The following MANBA variants were observed in gnomAD, a reference collection of about 807,000 sequenced individuals.
MANBA encodes the protein mannosidase beta.
In MANBA, 83 loss-of-function variants were observed where a neutral mutation model predicts 111.1. The observed-to-expected ratio is 0.75, with a 90% confidence interval of 0.63 to 0.90. MANBA has a LOEUF of 0.90. MANBA is among the 40% of genes least tolerant of loss of function. The probability of loss-of-function intolerance (pLI) is 0.00; values close to 1 mark genes in which losing one functional copy is unlikely to be tolerated. For missense variants in MANBA, 1,036 were observed against 1,069.0 expected, an observed-to-expected ratio of 0.97 and a Z score of 0.43; for synonymous variants, 370 against 378.7, an observed-to-expected ratio of 0.98 and a Z score of 0.27.
At chr4:102,740,705 C>T (rs568872689) in intron 1 of MANBA, among the ~76,000 whole-genome samples, 29 of 152,146 alleles carry the variant, frequency 1.9e-4, no homozygotes, top group African/African-American at 6.5e-4. Context: ...AAAGGACACC[C>T]TATTCAACAA....
At position 102,669,905 on chromosome 4, in the gene MANBA, A is replaced by G. The variant is rs542639088; in HGVS notation, c.1231-856T>C. ...TGAGGCAGGAGAATGGCGTGAACCC[A>G]GGAGGCAGAGCTTGCAGTGAGCCAA... is the stretch of plus-strand genomic sequence containing the variant. On this transcript the variant is annotated intron_variant, in intron 9 of 16. Coordinates refer to ENST00000647097, the MANE Select transcript of MANBA (RefSeq NM_005908.4). 8.2e-4 allele frequency among the ~76,000 whole-genome samples: 125 copies of G among 152,180 alleles called. No individual in the cohort carries two copies. In the East Asian group the frequency reaches 0.011, roughly 13 times the overall value.
intron 4 of MANBA, among the ~76,000 whole-genome samples, chr4:102,717,907 AT>A (rs1231685899): frequency 2.0e-5 from 3 of 152,152 alleles, no homozygotes; most frequent in Admixed American, 2.0e-4. Context: ...TGCTGTGATC[AT>A]TTTTTTCTGA....
chr4:102,717,424 CT>C (rs1239871326), intron 4 of MANBA, among the ~76,000 whole-genome samples: 2,834 of 134,406 alleles, frequency 0.021, 53 homozygotes, highest in African/African-American at 0.054. Flanking sequence ...CAGGCAGGAA[CT>C]TTTTTTTTTT....
At chr4:102,671,839 T>C (rs1731512894) in intron 8 of MANBA, 1 of 427,304 alleles carries the variant, frequency 2.3e-6, no homozygotes, top group Non-Finnish European at 4.1e-6. Context: ...AAATTTCCTT[T>C]CTACTTTTTC....
rs116340501 is a variant in MANBA, at chr4:102,634,852, G to C, written c.2351C>G (p.Pro784Arg). The C allele has an allele frequency of 2.0e-3, 3,164 of 1,614,130 alleles. 57 individuals are homozygous for C. In the African/African-American group the frequency reaches 0.038, roughly 19 times the overall value. Residue 784 changes from proline to arginine, a missense_variant, in exon 16 of 17, where the codon CCG (proline) becomes CGG (arginine). By Grantham distance (103) the Pro-to-Arg change is moderately radical. Transcript: ENST00000647097. ...YLSADHELLSPTNYHFLSSPK... is the reference protein window; with the variant it reads ...YLSADHELLSRTNYHFLSSPK... The stretch of plus-strand genomic sequence containing the variant: ...TGAGGACAAGAAGTGGTAGTTGGTC[G>C]GGCTCAGGAGTTCATGGTCAGCTGA...
intron 5 of MANBA, among the ~76,000 whole-genome samples, chr4:102,704,047 A>G (rs1733184881): frequency 6.6e-6 from 1 of 151,946 alleles, no homozygotes; most frequent in African/African-American, 2.4e-5. Context: ...GTGAGCCAAG[A>G]TCGCGCCACT....
At chr4:102,734,236 C>A in intron 1 of MANBA, 1 of 902,266 alleles carries the variant, frequency 1.1e-6, no homozygotes, top group South Asian at 1.8e-5. Context: ...TCTGTACTTT[C>A]TGTTCAATTT....
At chr4:102,743,958 T>C (rs1560810662) in intron 1 of MANBA, among the ~76,000 whole-genome samples, 1 of 152,196 alleles carries the variant, frequency 6.6e-6, no homozygotes, top group Non-Finnish European at 1.5e-5. Context: ...TATCTGCCAC[T>C]GATACCTCAA....
rs374005994 is a variant in MANBA at position 102,760,142 on chromosome 4, C to T, written c.177+576G>A. Among the ~76,000 whole-genome samples, 8 of 152,184 alleles carry T rather than the reference C, an allele frequency of 5.3e-5. No individual in the cohort carries two copies. The East Asian group carries it at 1.2e-3, about 22-fold the overall frequency. The stretch of plus-strand genomic sequence containing the variant: ...GAGAGGAAATAGCACCTTTCTTCAT[C>T]ACCAAGTTAGCCTTAAAAATTATTT... On this transcript the variant is annotated intron_variant, in intron 1 of 16. Coordinates refer to ENST00000647097, the MANE Select transcript of MANBA (RefSeq NM_005908.4).
At chr4:102,701,765 T>C (rs1380822672) in intron 5 of MANBA, among the ~76,000 whole-genome samples, 7 of 151,610 alleles carry the variant, frequency 4.6e-5, no homozygotes, top group African/African-American at 1.5e-4. Flanking sequence ...GTGGGTAACC[T>C]GACCTTTCTC....
intron 12 of MANBA, among the ~76,000 whole-genome samples, chr4:102,657,229 G>T (rs375698457): frequency 1.7e-4 from 20 of 118,908 alleles, no homozygotes; most frequent in African/African-American, 4.8e-4. Flanking sequence ...GGGTGGGGGG[G>T]GGGTGGGCGG....
At chr4:102,635,092 T>C (rs767960172) in intron 15 of MANBA, 47 bp from the exon 16 acceptor site, 2 of 1,603,276 alleles carry the variant, frequency 1.2e-6, no homozygotes, top group South Asian at 1.1e-5. Context: ...TTGGTTGCTA[T>C]GTTTTTAAGG....
At chr4:102,685,937 GAAGACTGA>G (rs1361142690) in intron 7 of MANBA, among the ~76,000 whole-genome samples, 1 of 151,934 alleles carries the variant, frequency 6.6e-6, no homozygotes, top group Non-Finnish European at 1.5e-5. Context: ...ACTGAAGACT[GAAGACTGA>G]AGGCCCTTGT....
chr4:102,746,299 C>T (rs1391871281), intron 1 of MANBA, among the ~76,000 whole-genome samples: 3 of 152,206 alleles, frequency 2.0e-5, no homozygotes, highest in Non-Finnish European at 4.4e-5. Context: ...TGTGCATGCA[C>T]CTTTCGTTGC....
At chr4:102,649,884 C>T (rs992666920) in intron 13 of MANBA, among the ~76,000 whole-genome samples, 1 of 152,066 alleles carries the variant, frequency 6.6e-6, no homozygotes, top group Non-Finnish European at 1.5e-5. Flanking sequence ...TTTGAGTCTT[C>T]AGTCATTGGT....
intron 11 of MANBA, among the ~76,000 whole-genome samples, chr4:102,663,829 ATGC>A (rs2110215627): frequency 6.6e-6 from 1 of 152,314 alleles, no homozygotes; most frequent in South Asian, 2.1e-4. Flanking sequence ...ACTGAAAAAA[ATGC>A]TGCTTTTTCT....
chr4:102,690,794 A>AATAT lies in MANBA; in HGVS notation c.674-27_674-24dup, dbSNP rs143832054. On this transcript the variant is annotated intron_variant, in intron 5 of 16. Coordinates refer to ENST00000647097, the MANE Select transcript of MANBA (RefSeq NM_005908.4). ...TATCTAAAATATAAAAAGAAAAAGA[A>AATAT]ATATATATATATATATATAATATGC... The AATAT allele has an allele frequency of 5.6e-4, 439 of 789,344 alleles. No homozygotes were observed. The African/African-American group carries it at 6.4e-3, about 11-fold the overall frequency. 48.9% of individuals were successfully genotyped at this position (789,344 alleles called of 1,614,324 possible). A position where few individuals can be genotyped will look rare whatever the true frequency, so the allele number is the denominator to read the frequency against.
At chr4:102,732,734 T>A (rs1723074687) in intron 1 of MANBA, among the ~76,000 whole-genome samples, 1 of 152,330 alleles carries the variant, frequency 6.6e-6, no homozygotes, top group African/African-American at 2.4e-5. Flanking sequence ...CACACAGGAC[T>A]CGGCCTCTCC....
intron 2 of MANBA, among the ~76,000 whole-genome samples, chr4:102,725,042 G>C (rs1485057439): frequency 6.6e-6 from 1 of 152,142 alleles, no homozygotes; most frequent in African/African-American, 2.4e-5. Flanking sequence ...CAGAGGGACA[G>C]AAAGTAAATT....
Sources: allele counts gnomAD v4.1 joint callset (sites outside exome capture counted in the v4.1 genomes callset), GRCh38; gene constraint gnomAD v4.1.1; transcripts MANE v1.5; gene names NCBI Gene and HGNC (gene_info 2026-07-23, HGNC 2026-07-21).